The following MCFD2 variants were observed in gnomAD, a reference collection of about 807,000 sequenced individuals.
The protein encoded by MCFD2 is multiple coagulation factor deficiency 2, ER cargo receptor complex subunit, also known as multiple coagulation factor deficiency protein 2.
In MCFD2, 11 loss-of-function variants were observed where a neutral mutation model predicts 12.8. That is an observed-to-expected ratio of 0.86 (90% CI 0.54 to 1.42). The LOEUF (loss-of-function observed/expected upper bound fraction) is 1.42, where lower values mean the gene tolerates loss of function less well. Ranked by LOEUF, MCFD2 falls within the 40% of genes most tolerant of loss-of-function variation. The probability of loss-of-function intolerance (pLI) is 0.00; values close to 1 mark genes in which losing one functional copy is unlikely to be tolerated. For missense variants in MCFD2, 191 were observed against 178.6 expected (o/e 1.07, Z -0.40); for synonymous variants, 70 against 68.1 (o/e 1.03, Z -0.14).
chr2:46,924,698 C>T (rs1160601255), intron 1 of MCFD2, among the ~76,000 whole-genome samples: 2 of 152,152 alleles, frequency 1.3e-5, no homozygotes, highest in African/African-American at 2.4e-5. Flanking sequence ...GCGATCTCAG[C>T]ACACTGCAGC....
chr2:46,937,496 TATC>T lies in MCFD2; in HGVS notation c.-8+4073_-8+4075del, dbSNP rs1276012893. 1.3e-5 allele frequency among the ~76,000 whole-genome samples: 2 copies of T among 152,320 alleles called. No homozygotes were observed. Among genetic ancestry groups the T allele is most frequent in the African/African-American group, 4.8e-5 (2 of 41,568 alleles). ...GGGACTTCGAATTGTTTTAGGAACATATCATCCAGAGCAGCCAGATTTATAGCA... is the reference window on the plus strand; with the variant it reads ...GGGACTTCGAATTGTTTTAGGAACATATCCAGAGCAGCCAGATTTATAGCA... On this transcript the variant is annotated intron_variant, in intron 1 of 2. Coordinates refer to the MCFD2 transcript ENST00000409147. The surrounding 1 kb of genome is among the most constrained non-coding windows in gnomAD (Gnocchi z 4.0).
chr2:46,922,040 A>AT (rs1307441522), intron 1 of MCFD2, among the ~76,000 whole-genome samples: 1 of 152,212 alleles, frequency 6.6e-6, no homozygotes, highest in African/African-American at 2.4e-5. Context: ...AAGTTTTTGG[A>AT]TTTTTTTGGT....
chr2:46,907,439 C>T lies in MCFD2; in HGVS notation c.309+371G>A, dbSNP rs1277217469. Reference sequence around the variant, plus strand: ...TCACTCTGTTGCCCAGGCTGAAGTGCGGTGGCATGATTATGGCTCACTATA... The same window carrying T: ...TCACTCTGTTGCCCAGGCTGAAGTGTGGTGGCATGATTATGGCTCACTATA... On this transcript the variant is annotated intron_variant, in intron 3 of 3. Coordinates refer to ENST00000319466, the MANE Select transcript of MCFD2 (RefSeq NM_139279.6). The surrounding 1 kb of genome is among the most constrained non-coding windows in gnomAD (Gnocchi z 4.1). 1.5e-5 allele frequency: 4 copies of T among 273,800 alleles called. No homozygotes were observed. The highest frequency in any genetic ancestry group is 9.1e-5 in the East Asian group (1 of 11,000). 17.0% of individuals were successfully genotyped at this position (273,800 alleles called of 1,614,324 possible). A position where few individuals can be genotyped will look rare whatever the true frequency, so the allele number is the denominator to read the frequency against.
At chr2:46,910,501 C>A (rs1296232465) in intron 1 of MCFD2, among the ~76,000 whole-genome samples, 1 of 152,190 alleles carries the variant, frequency 6.6e-6, no homozygotes, top group Non-Finnish European at 1.5e-5. Context: ...CACTGGTCAT[C>A]CCCTTTACAT....
intron 1 of MCFD2, among the ~76,000 whole-genome samples, chr2:46,921,962 G>T (rs561910381): frequency 6.6e-5 from 10 of 152,276 alleles, no homozygotes; most frequent in African/African-American, 2.4e-4. Context: ...ACACTAGTTG[G>T]GGGGTGAGGG....
chr2:46,915,515 C>T (rs1047679951), intron 1 of MCFD2, among the ~76,000 whole-genome samples: 1 of 152,172 alleles, frequency 6.6e-6, no homozygotes, highest in Non-Finnish European at 1.5e-5. Context: ...CCAGTCGGCC[C>T]CGTCTGGCTC....
Position 46,941,460 on chromosome 2 carries a change from C to T in MCFD2, c.-8+112G>A. Reference sequence around the variant, plus strand: ...TCTGCGCCCCCGTCGACCCCGCCCGCGAGTGCGCCCCAGCCAGGACGCCGC... The same window carrying T: ...TCTGCGCCCCCGTCGACCCCGCCCGTGAGTGCGCCCCAGCCAGGACGCCGC... On this transcript the variant is annotated intron_variant, in intron 1 of 2. Transcript: ENST00000409147. The surrounding 1 kb of genome is among the most constrained non-coding windows in gnomAD (Gnocchi z 4.2). 7.0e-7 allele frequency: 1 copy of T among 1,432,066 alleles called. No homozygotes were observed. The highest frequency in any genetic ancestry group is 9.3e-7 in the Non-Finnish European group (1 of 1,080,552). The allele number at this position is 1,432,066 out of a possible 1,614,324, so 88.7% of individuals were successfully genotyped here.
At chr2:46,927,976 C>T (rs1373385797) in intron 1 of MCFD2, among the ~76,000 whole-genome samples, 1 of 148,346 alleles carries the variant, frequency 6.7e-6, no homozygotes, top group African/African-American at 2.5e-5. Context: ...TCACTGCAGC[C>T]TCAACTTCCT....
rs944476865 is a variant in MCFD2, at chr2:46,902,535, A to G, written c.*2928T>C. ...TCTCTCCCAGGTTGAAGAAGACAGA[A>G]AAGCAATAAAGTATAAGGATGTGGC... On this transcript the variant is annotated 3_prime_UTR_variant, in exon 4 of 4. Transcript: ENST00000319466. The G allele has an allele frequency of 1.3e-5, 2 of 152,690 alleles. No homozygotes were observed. Among genetic ancestry groups the G allele is most frequent in the African/African-American group, 4.8e-5 (2 of 41,472 alleles). 9.5% of individuals were successfully genotyped at this position (152,690 alleles called of 1,614,324 possible).
chr2:46,941,673 C>T lies in MCFD2; in HGVS notation c.-109G>A, dbSNP rs1403661278. ...TGCAGACGCTGAGCATGCCCGGCGG[C>T]GGAGGTAACAGGCGAGGCAGCCCGA... On this transcript the variant is annotated 5_prime_UTR_variant, in exon 1 of 3. Coordinates refer to the MCFD2 transcript ENST00000409147. The surrounding 1 kb of genome is among the most constrained non-coding windows in gnomAD (Gnocchi z 4.2). 5 of 1,551,808 alleles carry T rather than the reference C, an allele frequency of 3.2e-6. No homozygotes were observed. Among genetic ancestry groups the T allele is most frequent in the Admixed American group, 2.0e-5 (1 of 51,160 alleles).
chr2:46,940,491 C>A lies in MCFD2; in HGVS notation c.-8+1081G>T, dbSNP rs1237508150. Among the ~76,000 whole-genome samples, 1 of 152,190 alleles carries A rather than the reference C, an allele frequency of 6.6e-6. No homozygotes were observed. Among genetic ancestry groups the A allele is most frequent in the Non-Finnish European group, 1.5e-5 (1 of 68,036 alleles). On this transcript the variant is annotated intron_variant, in intron 1 of 2. Coordinates refer to the MCFD2 transcript ENST00000409147. The surrounding 1 kb of genome is among the most constrained non-coding windows in gnomAD (Gnocchi z 4.7). ...CCGTAGTCCTGTGAACTTCTGGGCACCCCACAGCCCTGGGCTAAACCCTGC... is the reference window on the plus strand; with the variant it reads ...CCGTAGTCCTGTGAACTTCTGGGCAACCCACAGCCCTGGGCTAAACCCTGC...
chr2:46,931,118 G>T (rs1380916034), intron 1 of MCFD2, among the ~76,000 whole-genome samples: 1 of 152,190 alleles, frequency 6.6e-6, no homozygotes, highest in Non-Finnish European at 1.5e-5. Flanking sequence ...GGCCCCCAAA[G>T]ATGTTTATGT....
chr2:46,905,018 T>C lies in MCFD2; in HGVS notation c.*445A>G, dbSNP rs1160902939. 16 of 272,802 alleles carry C rather than the reference T, an allele frequency of 5.9e-5. No homozygotes were observed. In the East Asian group the frequency reaches 9.3e-4, roughly 16 times the overall value. The allele number at this position is 272,802 out of a possible 1,614,324, so 16.9% of individuals were successfully genotyped here. On this transcript the variant is annotated 3_prime_UTR_variant, in exon 4 of 4. Transcript: ENST00000319466. ...GCTATTCTTGTGATAGTGAATAAGT[T>C]TCACAAGATCTGATGGCTTATCAGG... is the stretch of plus-strand genomic sequence containing the variant.
chr2:46,928,539 A>G (rs1466675894), intron 1 of MCFD2, among the ~76,000 whole-genome samples: 1 of 151,664 alleles, frequency 6.6e-6, no homozygotes, highest in Non-Finnish European at 1.5e-5. Flanking sequence ...GGAAGCCGAG[A>G]CAGGTGGATT....
At position 46,905,365 on chromosome 2, in the gene MCFD2, A is replaced by C; in HGVS notation, c.*98T>G. The C allele has an allele frequency of 7.4e-7, 1 of 1,352,372 alleles. No homozygotes were observed. The highest frequency in any genetic ancestry group is 1.1e-6 in the Non-Finnish European group (1 of 945,350). The allele number at this position is 1,352,372 out of a possible 1,614,324, so 83.8% of individuals were successfully genotyped here. A position where few individuals can be genotyped will look rare whatever the true frequency, so the allele number is the denominator to read the frequency against. On this transcript the variant is annotated 3_prime_UTR_variant, in exon 4 of 4. Coordinates refer to ENST00000319466, the MANE Select transcript of MCFD2 (RefSeq NM_139279.6). ...CTACAGGTTTTTACCAAAATGCTGCAGCAGTAGTTGGAAATGAGTTATTTT... is the reference window on the plus strand; with the variant it reads ...CTACAGGTTTTTACCAAAATGCTGCCGCAGTAGTTGGAAATGAGTTATTTT...
intron 1 of MCFD2, among the ~76,000 whole-genome samples, chr2:46,933,195 A>G (rs1669802637): frequency 6.6e-6 from 1 of 152,188 alleles, no homozygotes; most frequent in Non-Finnish European, 1.5e-5. Context: ...GAAGCCACTA[A>G]CAAGAATTAA....
At chr2:46,934,642 A>G (rs1161727327) in intron 1 of MCFD2, among the ~76,000 whole-genome samples, 1 of 151,998 alleles carries the variant, frequency 6.6e-6, no homozygotes, top group African/African-American at 2.4e-5. Flanking sequence ...CCCTCCCCTC[A>G]TAGGTTGCAG....
chr2:46,915,669 A>T, intron 1 of MCFD2, 54 bp downstream of exon 1: 1 of 695,000 alleles, frequency 1.4e-6, no homozygotes, highest in Non-Finnish European at 1.8e-6. Context: ...CCTCCAGCCC[A>T]CAGGAGAGGC....
At chr2:46,931,528 T>TTA (rs1481198351) in intron 1 of MCFD2, among the ~76,000 whole-genome samples, 1 of 148,138 alleles carries the variant, frequency 6.8e-6, no homozygotes, top group African/African-American at 2.5e-5. Flanking sequence ...AGGGTCAGAG[T>TTA]CAGAGTAGAG....
Sources: gnomAD v4.1 joint callset for allele counts (sites outside exome capture counted in the v4.1 genomes callset) on GRCh38, gnomAD v4.1.1 for gene constraint, Gnocchi (gnomAD v3.1) non-coding constraint, MANE v1.5 for transcripts, NCBI Gene and HGNC (gene_info 2026-07-23, HGNC 2026-07-21) for gene names.